ABCD2: variants seen among roughly 807,000 people sequenced by gnomAD.
ABCD2 encodes the protein ATP-binding cassette sub-family D member 2.
A neutral mutation model predicts 70.9 loss-of-function variants in ABCD2; 36 were observed. That is an observed-to-expected ratio of 0.51 (90% CI 0.39 to 0.67). The LOEUF is 0.67. Among genes scored for constraint, ABCD2 ranks in the 30% least tolerant of loss-of-function variants. The pLI, the probability that ABCD2 is intolerant of heterozygous loss-of-function variation, is 0.00. For missense variants in ABCD2, 729 were observed against 890.2 expected (o/e 0.82, Z 2.30); for synonymous variants, 304 against 306.9 (o/e 0.99, Z 0.10).
chr12:39,580,374 AT>A (rs1209668190), intron 7 of ABCD2, among the ~76,000 whole-genome samples: 1 of 152,178 alleles, frequency 6.6e-6, no homozygotes, highest in Non-Finnish European at 1.5e-5. Flanking sequence ...TTTGATATTT[AT>A]TCAAAAAACA....
chr12:39,618,607 T>C, intron 1 of ABCD2, 70 bp downstream of exon 1: 1 of 1,398,428 alleles, frequency 7.2e-7, no homozygotes, highest in African/African-American at 1.4e-5. Context: ...GGACAACAGA[T>C]GGTATCTGGC....
chr12:39,613,538 CTA>C lies in ABCD2; in HGVS notation c.1120+3448_1120+3449del, dbSNP rs547623955. Among the ~76,000 whole-genome samples the C allele has an allele frequency of 3.3e-5, 5 of 151,494 alleles. No homozygotes were observed. The South Asian group carries it at 1.1e-3, about 32-fold the overall frequency. ...ATAGTATAATAGAAACTCTACATAA[CTA>C]ACACTTCAATGCCTCTTTGCCAACC... On this transcript the variant is annotated intron_variant, in intron 2 of 9. Coordinates refer to ENST00000308666, the MANE Select transcript of ABCD2 (RefSeq NM_005164.4).
At chr12:39,577,978 T>C (rs1327464175) in intron 8 of ABCD2, among the ~76,000 whole-genome samples, 1 of 152,150 alleles carries the variant, frequency 6.6e-6, no homozygotes, top group African/African-American at 2.4e-5. Flanking sequence ...ACTGAGTGCT[T>C]AGTGTGAGCC....
intron 8 of ABCD2, 79 bp from the exon 9 acceptor site, chr12:39,573,920 T>C: frequency 2.2e-6 from 3 of 1,375,050 alleles, no homozygotes; most frequent in Non-Finnish European, 2.9e-6. Flanking sequence ...TGAGTTGCAT[T>C]GCTAACAATT....
intron 6 of ABCD2, among the ~76,000 whole-genome samples, chr12:39,591,537 C>A (rs987489716): frequency 2.0e-5 from 3 of 152,016 alleles, no homozygotes; most frequent in African/African-American, 7.2e-5. Flanking sequence ...CATGGTGAAA[C>A]CCCATCTCTA....
chr12:39,590,212 A>C (rs992932763), intron 6 of ABCD2, among the ~76,000 whole-genome samples: 1 of 152,208 alleles, frequency 6.6e-6, no homozygotes, highest in Non-Finnish European at 1.5e-5. Flanking sequence ...AGTACCCTTT[A>C]CTAAACTTTC....
intron 9 of ABCD2, 27 bp downstream of exon 9, chr12:39,573,689 C>T (rs1382498709): frequency 6.3e-7 from 1 of 1,588,392 alleles, no homozygotes; most frequent in African/African-American, 1.4e-5. Flanking sequence ...AAACCATCTA[C>T]CACAAATTAG....
chr12:39,555,290 T>C (rs1941145807), intron 9 of ABCD2, among the ~76,000 whole-genome samples: 1 of 152,176 alleles, frequency 6.6e-6, no homozygotes, highest in Non-Finnish European at 1.5e-5. Flanking sequence ...AATTATAGAA[T>C]ATGTGGCCTT....
At chr12:39,542,957 G>A in the ABCD2 span, among the ~76,000 whole-genome samples, 11 of 152,124 alleles carry the variant, frequency 7.2e-5, no homozygotes, top group African/African-American at 2.7e-4. Flanking sequence ...GCTGAATGGT[G>A]CTGACAAATC....
chr12:39,602,314 G>A (rs182262209), intron 5 of ABCD2, among the ~76,000 whole-genome samples: 7 of 151,700 alleles, frequency 4.6e-5, no homozygotes, highest in Admixed American at 1.3e-4. Flanking sequence ...CACAATGCCC[G>A]GCTAATTTTT....
At chr12:39,545,292 C>G (rs899053191), downstream of ABCD2, among the ~76,000 whole-genome samples, 3 of 152,134 alleles carry the variant, frequency 2.0e-5, no homozygotes, top group Non-Finnish European at 4.4e-5. Flanking sequence ...TGAGGAATCT[C>G]AGGTAAGATT....
intron 2 of ABCD2, among the ~76,000 whole-genome samples, chr12:39,608,791 TAAAC>T (rs1376254450): frequency 4.6e-5 from 7 of 152,164 alleles, no homozygotes; most frequent in African/African-American, 1.2e-4. Flanking sequence ...ATACTACTAA[TAAAC>T]AAACATTTAT....
At chr12:39,611,270 G>T (rs1270675947) in intron 2 of ABCD2, among the ~76,000 whole-genome samples, 1 of 152,148 alleles carries the variant, frequency 6.6e-6, no homozygotes, top group Non-Finnish European at 1.5e-5. Flanking sequence ...TTCATCAGTT[G>T]TAATGAAAGT....
chr12:39,570,714 C>T (rs1307779644), intron 9 of ABCD2, among the ~76,000 whole-genome samples: 1 of 152,020 alleles, frequency 6.6e-6, no homozygotes, highest in Non-Finnish European at 1.5e-5. Flanking sequence ...TGGATATGAC[C>T]TCAAGAGCAT....
chr12:39,558,418 G>A (rs1253837731), intron 9 of ABCD2, among the ~76,000 whole-genome samples: 1 of 152,196 alleles, frequency 6.6e-6, no homozygotes, highest in Non-Finnish European at 1.5e-5. Flanking sequence ...AGATTTGGGA[G>A]GGGCCAGGGC....
intron 3 of ABCD2, among the ~76,000 whole-genome samples, chr12:39,605,138 CATAAT>C (rs1273896738): frequency 6.6e-6 from 1 of 151,922 alleles, no homozygotes; most frequent in South Asian, 2.1e-4. Flanking sequence ...AATTATAAAA[CATAAT>C]ATACAGATTT....
At chr12:39,600,824 G>T (rs886100971) in intron 5 of ABCD2, 108 bp from the exon 6 acceptor site, 18 of 1,027,218 alleles carry the variant, frequency 1.8e-5, no homozygotes, top group African/African-American at 5.0e-5. Context: ...TGATAACCTA[G>T]GTTGGGCAAA....
chr12:39,554,122 G>A lies in ABCD2; in HGVS notation c.2013C>T (p.His671=), dbSNP rs1175311866. Residue 671 remains histidine (H), a synonymous_variant, in exon 10 of 10, where the codon CAC becomes CAT. Coordinates refer to ENST00000308666, the MANE Select transcript of ABCD2 (RefSeq NM_005164.4). ...CACCATCAAACTGTAATAAATGTGT[G>A]TGGTATTTCCTGCATAATTAAAATG... ...ITHRPSLWKY[H]THLLQFDGEG... is the part of the protein sequence containing the mutation. The A allele has an allele frequency of 2.5e-6, 4 of 1,610,642 alleles. No individual in the cohort carries two copies. In the South Asian group the frequency reaches 3.3e-5, roughly 13 times the overall value.
chr12:39,616,862 T>A, intron 2 of ABCD2, 126 bp downstream of exon 2: 2 of 804,166 alleles, frequency 2.5e-6, no homozygotes, highest in Non-Finnish European at 3.6e-6. Context: ...AGTCTGCCAT[T>A]GTTTCGGACC....
Sources: gnomAD v4.1 joint callset for allele counts (sites outside exome capture counted in the v4.1 genomes callset) on GRCh38, gnomAD v4.1.1 for gene constraint, MANE v1.5 for transcripts, NCBI Gene and HGNC (gene_info 2026-07-23, HGNC 2026-07-21) for gene names.